DGKI: variants seen among roughly 807,000 people sequenced by gnomAD.
DGKI encodes the protein diacylglycerol kinase iota, also known as DAG kinase iota.
Under a neutral mutation model 147.5 loss-of-function variants are expected in DGKI, and 55 were observed. That is an observed-to-expected ratio of 0.37 (90% CI 0.30 to 0.47). DGKI has a LOEUF of 0.47. Ranked by LOEUF, DGKI falls within the 20% of genes least tolerant of loss-of-function variation. The pLI is 1.00. For synonymous variants in DGKI, 469 were observed against 477.1 expected, an observed-to-expected ratio of 0.98 and a Z score of 0.22; for missense variants, 1,007 against 1,323.8, an observed-to-expected ratio of 0.76 and a Z score of 3.71.
intron 29 of DGKI, among the ~76,000 whole-genome samples, 196 bp from the exon 30 acceptor site, chr7:137,408,191 C>T (rs1812031463): frequency 6.6e-6 from 1 of 152,202 alleles, no homozygotes; most frequent in Admixed American, 6.5e-5. Flanking sequence ...TCTCTTCTAA[C>T]TCTGGAGAGA....
intron 1 of DGKI, among the ~76,000 whole-genome samples, chr7:137,696,994 G>C (rs1278412899): frequency 2.6e-5 from 4 of 152,154 alleles, no homozygotes; most frequent in African/African-American, 9.7e-5. Context: ...ATGAGCCAAG[G>C]AACACTGAAG....
chr7:137,418,244 T>C (rs1485506972), intron 28 of DGKI, among the ~76,000 whole-genome samples: 2 of 152,156 alleles, frequency 1.3e-5, no homozygotes, highest in Non-Finnish European at 2.9e-5. Context: ...CAAGCTCCAG[T>C]TCTATCAGTG....
intron 1 of DGKI, chr7:137,721,961 T>C (rs572386461): frequency 7.3e-7 from 1 of 1,373,400 alleles, no homozygotes; most frequent in African/African-American, 1.5e-5. Flanking sequence ...AAGTATAGCA[T>C]AGTGAGCTCT....
Position 137,391,114 on chromosome 7 carries a change from G to C in DGKI, c.*106C>G, listed in dbSNP as rs985267341. 1.6e-4 allele frequency: 144 copies of C among 883,902 alleles called. No individual in the cohort carries two copies. In the African/African-American group the frequency reaches 2.1e-3, roughly 13 times the overall value. The allele number at this position is 883,902 out of a possible 1,614,324, so 54.8% of individuals were successfully genotyped here. ...GTCTCAGGTAGATTCTTGCAGGAGAGAGACAGATATATGAATTCCATCAGC... is the reference window on the plus strand; with the variant it reads ...GTCTCAGGTAGATTCTTGCAGGAGACAGACAGATATATGAATTCCATCAGC... On this transcript the variant is annotated 3_prime_UTR_variant, in exon 33 of 33. Coordinates refer to ENST00000614521, the MANE Select transcript of DGKI (RefSeq NM_001321708.2).
At chr7:137,425,545 C>A (rs568707055) in intron 28 of DGKI, among the ~76,000 whole-genome samples, 6 of 152,262 alleles carry the variant, frequency 3.9e-5, no homozygotes, top group African/African-American at 1.4e-4. Flanking sequence ...CAAAGATGGA[C>A]GGAGAATGAC....
chr7:137,714,333 A>T (rs1050015384), intron 1 of DGKI, among the ~76,000 whole-genome samples: 1 of 152,226 alleles, frequency 6.6e-6, no homozygotes, highest in Non-Finnish European at 1.5e-5. Context: ...TTTTAAATAC[A>T]TACTTTAAAC....
chr7:137,572,288 G>A (rs183885517), intron 18 of DGKI, among the ~76,000 whole-genome samples: 1 of 152,306 alleles, frequency 6.6e-6, no homozygotes, highest in African/African-American at 2.4e-5. Flanking sequence ...GCACCATGGA[G>A]AGTTGACATC....
chr7:137,595,299 C>T (rs1401752560), intron 12 of DGKI, among the ~76,000 whole-genome samples: 1 of 152,136 alleles, frequency 6.6e-6, no homozygotes, highest in Non-Finnish European at 1.5e-5. Context: ...TCGGATCTGG[C>T]CATTAGGAAT....
At chr7:137,577,126 A>G in intron 17 of DGKI, 96 bp downstream of exon 17, 1 of 838,828 alleles carries the variant, frequency 1.2e-6, no homozygotes, top group Non-Finnish European at 2.0e-6. Flanking sequence ...AGTTCTATGC[A>G]GTCCAGTGAT....
chr7:137,632,866 TAAACAAAC>T (rs59720973), intron 6 of DGKI, among the ~76,000 whole-genome samples: 25 of 145,230 alleles, frequency 1.7e-4, no homozygotes, highest in African/African-American at 3.1e-4. Context: ...CTCAAATAAA[TAAACAAAC>T]AAACAAACAA....
intron 12 of DGKI, 54 bp downstream of exon 12, chr7:137,597,793 A>C: frequency 1.3e-6 from 2 of 1,550,838 alleles, no homozygotes; most frequent in Non-Finnish European, 1.8e-6. Flanking sequence ...GCCACAAGAA[A>C]ACAATAAGAA....
At chr7:137,680,558 T>A (rs1038754729) in intron 2 of DGKI, among the ~76,000 whole-genome samples, 6 of 152,044 alleles carry the variant, frequency 3.9e-5, no homozygotes, top group Non-Finnish European at 8.8e-5. Context: ...GGCAGGCAAA[T>A]CACTTGAGGC....
chr7:137,768,608 C>T (rs1217556923), intron 1 of DGKI, among the ~76,000 whole-genome samples: 1 of 152,142 alleles, frequency 6.6e-6, no homozygotes, highest in Non-Finnish European at 1.5e-5. Context: ...AGGGAGGCAA[C>T]CCGACTGCAT....
intron 1 of DGKI, among the ~76,000 whole-genome samples, chr7:137,762,638 T>A (rs1208799887): frequency 6.6e-6 from 1 of 152,184 alleles, no homozygotes; most frequent in Admixed American, 6.5e-5. Context: ...CTCCTTTTTT[T>A]CAAAACCATT....
At chr7:137,648,892 A>G (rs1379065154) in intron 5 of DGKI, among the ~76,000 whole-genome samples, 1 of 152,194 alleles carries the variant, frequency 6.6e-6, no homozygotes, top group Non-Finnish European at 1.5e-5. Flanking sequence ...TGGCTCTACC[A>G]TTTATTAAAT....
At chr7:137,788,018 G>T (rs1255767936) in intron 1 of DGKI, among the ~76,000 whole-genome samples, 1 of 151,982 alleles carries the variant, frequency 6.6e-6, no homozygotes, top group African/African-American at 2.4e-5. Context: ...AACACCACCT[G>T]TTCCCTAAAA....
chr7:137,700,604 G>A (rs758681237), intron 1 of DGKI, among the ~76,000 whole-genome samples: 58 of 152,232 alleles, frequency 3.8e-4, no homozygotes, highest in African/African-American at 1.0e-3. Context: ...ATGGCAGAGC[G>A]CAGTGGCTTA....
At chr7:137,542,785 T>C (rs1817745289) in intron 20 of DGKI, among the ~76,000 whole-genome samples, 1 of 152,152 alleles carries the variant, frequency 6.6e-6, no homozygotes, top group Non-Finnish European at 1.5e-5. Flanking sequence ...AAAGCAAATA[T>C]AATAAACATT....
At position 137,412,174 on chromosome 7, in the gene DGKI, A is replaced by G. The variant is rs1267163898; in HGVS notation, c.2795T>C (p.Met932Thr). The change falls in exon 29 of 33, where the codon ATG becomes ACG. Residue 932 changes from methionine (M) to threonine (T), a missense_variant. Met to Thr is a moderately conservative substitution (Grantham distance 81). Transcript: ENST00000614521. ...ILQAVIAGDL[M>T]KLIESYKNGG... ...TTTGGTAGGAAGATATCTTACCTTC[A>G]TAAGATCACCAGCTATTACTGCCTG... 1.2e-6 allele frequency: 2 copies of G among 1,613,546 alleles called. No individual in the cohort carries two copies. Among genetic ancestry groups the G allele is most frequent in the Non-Finnish European group, 8.5e-7 (1 of 1,179,574 alleles).
Sources: allele counts gnomAD v4.1 joint callset (sites outside exome capture counted in the v4.1 genomes callset), GRCh38; gene constraint gnomAD v4.1.1; transcripts MANE v1.5; gene names NCBI Gene and HGNC (gene_info 2026-07-23, HGNC 2026-07-21).